Variants in TRIM2 observed in about 807,000 individuals in gnomAD.
TRIM2 encodes tripartite motif-containing protein 2.
A neutral mutation model predicts 75.2 loss-of-function variants in TRIM2; 20 were observed. That is an observed-to-expected ratio of 0.27 (90% CI 0.19 to 0.39). The LOEUF is 0.39. TRIM2 is among the 10% of genes least tolerant of loss of function. The pLI is 1.00. For synonymous variants in TRIM2, 373 were observed against 388.3 expected (o/e 0.96, Z 0.46); for missense variants, 660 against 990.8 (o/e 0.67, Z 4.48).
chr4:153,244,412 TTCTTCTTCTTCTTC>T lies in TRIM2; in HGVS notation c.31-25921_31-25908del, dbSNP rs1560875391. Among the ~76,000 whole-genome samples the T allele has an allele frequency of 2.8e-4, 26 of 91,988 alleles. 1 individual carries two copies. Among genetic ancestry groups the T allele is most frequent in the Non-Finnish European group, 4.5e-4 (23 of 51,304 alleles). The allele number at this position is 91,988 out of a possible 152,430, so 60.3% of individuals were successfully genotyped here. A position where few individuals can be genotyped will look rare whatever the true frequency, so the allele number is the denominator to read the frequency against. On this transcript the variant is annotated intron_variant, in intron 1 of 11. Coordinates refer to ENST00000338700, the MANE Select transcript of TRIM2 (RefSeq NM_015271.5). Reference sequence around the variant, plus strand: ...CTTCTTCTTCTTCTTCTTCTTCTTCTTCTTCTTCTTCTTCTTCTTCTTCTTTTAATTAGAGAGGA... The same window carrying T: ...CTTCTTCTTCTTCTTCTTCTTCTTCTTTCTTCTTCTTTTAATTAGAGAGGA...
At chr4:153,239,355 A>G (rs1745890680) in intron 1 of TRIM2, among the ~76,000 whole-genome samples, 1 of 148,202 alleles carries the variant, frequency 6.7e-6, no homozygotes, top group African/African-American at 2.6e-5. Flanking sequence ...CCGTCTCAAA[A>G]AAAAAAAAAA....
At chr4:153,317,641 C>A (rs1341338701) in intron 8 of TRIM2, among the ~76,000 whole-genome samples, 1 of 141,954 alleles carries the variant, frequency 7.0e-6, no homozygotes, top group South Asian at 2.3e-4. Context: ...CAAAGCAAGA[C>A]TCTGTCTCAA....
chr4:153,215,424 T>G (rs4311294), intron 1 of TRIM2, among the ~76,000 whole-genome samples: 54,108 of 151,968 alleles, frequency 0.36, 10,474 homozygotes, highest in East Asian at 0.63. Context: ...TGGTGCCGTT[T>G]TGCTAGAGTC....
intron 1 of TRIM2, among the ~76,000 whole-genome samples, chr4:153,258,930 C>T (rs1483796966): frequency 6.6e-6 from 1 of 152,142 alleles, no homozygotes; most frequent in Non-Finnish European, 1.5e-5. Context: ...AATGCACGCC[C>T]CTCCCAAGCA....
chr4:153,319,126 C>T (rs894325449), intron 8 of TRIM2, among the ~76,000 whole-genome samples: 4 of 152,178 alleles, frequency 2.6e-5, no homozygotes, highest in South Asian at 2.1e-4. Context: ...GAAAGACACA[C>T]GTTTAACACC....
At chr4:153,173,329 G>C (rs990997687) in intron 1 of TRIM2, among the ~76,000 whole-genome samples, 1 of 152,088 alleles carries the variant, frequency 6.6e-6, no homozygotes, top group Non-Finnish European at 1.5e-5. Flanking sequence ...AGACCAGCCT[G>C]GCCAACATGG....
chr4:153,317,149 G>T (rs1461859161), intron 8 of TRIM2, among the ~76,000 whole-genome samples: 8 of 150,062 alleles, frequency 5.3e-5, no homozygotes, highest in Admixed American at 4.0e-4. Flanking sequence ...CAAAGTGCTG[G>T]GATTACAGGC....
rs571868144 is a variant in TRIM2 at position 153,322,583 on chromosome 4, T to A, written c.1783-65T>A. 5.9e-6 allele frequency: 9 copies of A among 1,537,270 alleles called. No homozygotes were observed. The South Asian group carries it at 6.2e-5, about 11-fold the overall frequency. ...TTGACCAAAACAGTGTTTATCTTCA[T>A]GTTCTGTAGTGGTTTAAACTTTGAC... On this transcript the variant is annotated intron_variant, in intron 8 of 11. Transcript: ENST00000338700.
intron 1 of TRIM2, among the ~76,000 whole-genome samples, chr4:153,194,941 T>C (rs896621018): frequency 6.6e-6 from 1 of 152,226 alleles, no homozygotes; most frequent in Non-Finnish European, 1.5e-5. Context: ...TTGGGGCTTC[T>C]AAGTGGATTG....
At chr4:153,191,868 GTTAAGCCTGTTTTCT>G (rs1470943448) in intron 1 of TRIM2, among the ~76,000 whole-genome samples, 2 of 152,192 alleles carry the variant, frequency 1.3e-5, no homozygotes, top group Admixed American at 6.5e-5. Context: ...CGTGCCGCAA[GTTAAGCCTGTTTTCT>G]TTGAGTTTGT....
chr4:153,240,665 A>C (rs531549686), intron 1 of TRIM2, among the ~76,000 whole-genome samples: 1 of 152,362 alleles, frequency 6.6e-6, no homozygotes, highest in South Asian at 2.1e-4. Context: ...ATATTTAAAC[A>C]GTTGTTTTAA....
intron 1 of TRIM2, among the ~76,000 whole-genome samples, chr4:153,231,467 T>C (rs187212608): frequency 3.9e-5 from 6 of 152,214 alleles, no homozygotes; most frequent in Admixed American, 3.9e-4. Flanking sequence ...CAATGGGCAT[T>C]GGGAACAACC....
chr4:153,206,874 TTTTC>T (rs1735600150), intron 1 of TRIM2, among the ~76,000 whole-genome samples: 1 of 151,650 alleles, frequency 6.6e-6, no homozygotes, highest in Non-Finnish European at 1.5e-5. Context: ...TTCCAAGGGG[TTTTC>T]TTTCTTTCTT....
intron 1 of TRIM2, among the ~76,000 whole-genome samples, chr4:153,189,836 A>G (rs1733001464): frequency 6.6e-6 from 1 of 152,246 alleles, no homozygotes; most frequent in African/African-American, 2.4e-5. Context: ...TACACAACAG[A>G]CATTTCTTTA....
intron 3 of TRIM2, among the ~76,000 whole-genome samples, chr4:153,286,938 A>AT (rs200618546): frequency 6.6e-6 from 1 of 151,648 alleles, no homozygotes. Context: ...TGCATGAAAT[A>AT]TTTTTTTCAT....
Position 153,285,711 on chromosome 4 carries a change from G to A in TRIM2, c.454-7271G>A, listed in dbSNP as rs558556020. ...TTTTTGTTTGTTAATCTTGTATCCT[G>A]CAACTTTGCTGAATTCATTTATTAG... On this transcript the variant is annotated intron_variant, in intron 3 of 11. Transcript: ENST00000338700. Among the ~76,000 whole-genome samples the A allele has an allele frequency of 1.5e-4, 23 of 152,150 alleles. No individual in the cohort carries two copies. The South Asian group carries it at 4.4e-3, about 29-fold the overall frequency.
chr4:153,161,222 T>A (rs1729707252), intron 1 of TRIM2, among the ~76,000 whole-genome samples: 1 of 152,232 alleles, frequency 6.6e-6, no homozygotes, highest in Non-Finnish European at 1.5e-5. Context: ...AGAAACACTT[T>A]GCAAGCAAAT....
chr4:153,257,844 T>C, intron 1 of TRIM2: 1 of 341,764 alleles, frequency 2.9e-6, no homozygotes, highest in Non-Finnish European at 5.8e-6. Context: ...GGTTCTTTTT[T>C]CTCCCTTCAT....
chr4:153,274,157 T>C (rs1395225582), intron 2 of TRIM2, among the ~76,000 whole-genome samples: 2 of 152,230 alleles, frequency 1.3e-5, no homozygotes, highest in African/African-American at 2.4e-5. Context: ...TCATCTCAGA[T>C]GGTGTGGGAG....
Sources: allele counts gnomAD v4.1 joint callset (sites outside exome capture counted in the v4.1 genomes callset), GRCh38; gene constraint gnomAD v4.1.1; transcripts MANE v1.5; gene names NCBI Gene and HGNC (gene_info 2026-07-23, HGNC 2026-07-21).